PTPRM: variants seen among roughly 807,000 people sequenced by gnomAD.
The protein encoded by PTPRM is protein tyrosine phosphatase receptor type M, also known as receptor-type tyrosine-protein phosphatase mu.
A neutral mutation model predicts 186.7 loss-of-function variants in PTPRM; 47 were observed. That is an observed-to-expected ratio of 0.25 (90% CI 0.20 to 0.32). The LOEUF (loss-of-function observed/expected upper bound fraction) is 0.32, where lower values mean the gene tolerates loss of function less well. PTPRM is among the 10% of genes least tolerant of loss of function. PTPRM has a pLI of 1.00. For missense variants in PTPRM, 1,494 were observed against 1,865.0 expected, an observed-to-expected ratio of 0.80 and a Z score of 3.66; for synonymous variants, 668 against 674.9, an observed-to-expected ratio of 0.99 and a Z score of 0.16.
chr18:7,677,742 T>C (rs1212861312), intron 1 of PTPRM, among the ~76,000 whole-genome samples: 1 of 152,100 alleles, frequency 6.6e-6, no homozygotes, highest in African/African-American at 2.4e-5. Flanking sequence ...CTGCCTGAAA[T>C]GCTCTGTGCC....
At chr18:8,402,694 A>G (rs1363215531) in intron 32 of PTPRM, among the ~76,000 whole-genome samples, 2 of 152,172 alleles carry the variant, frequency 1.3e-5, no homozygotes, top group African/African-American at 4.8e-5. Context: ...TGGTGATCTG[A>G]CAACGTGGCC....
intron 2 of PTPRM, among the ~76,000 whole-genome samples, chr18:7,810,379 CATT>C (rs1490602433): frequency 1.9e-4 from 29 of 152,322 alleles, no homozygotes; most frequent in Admixed American, 1.8e-3. Flanking sequence ...TTATGTTGCT[CATT>C]ATGAATAGCC....
chr18:7,764,645 G>A (rs2041936753), intron 1 of PTPRM, among the ~76,000 whole-genome samples: 1 of 152,196 alleles, frequency 6.6e-6, no homozygotes, highest in African/African-American at 2.4e-5. Context: ...GACTCAGTAG[G>A]TCTGGGATGA....
At chr18:8,380,249 T>TGGAAATAA in intron 28 of PTPRM, 47 bp from the exon 29 acceptor site, 1 of 1,588,638 alleles carries the variant, frequency 6.3e-7, no homozygotes, top group Non-Finnish European at 8.6e-7. Context: ...CTTCTTCTCT[T>TGGAAATAA]CCCATTTTCC....
intron 1 of PTPRM, among the ~76,000 whole-genome samples, chr18:7,700,181 A>G (rs575665651): frequency 6.6e-6 from 1 of 152,320 alleles, no homozygotes; most frequent in South Asian, 2.1e-4. Context: ...TTTTATAGAG[A>G]TAAATATGTA....
intron 1 of PTPRM, among the ~76,000 whole-genome samples, chr18:7,724,518 G>T (rs1417004788): frequency 1.3e-5 from 2 of 152,152 alleles, no homozygotes; most frequent in African/African-American, 4.8e-5. Context: ...CTGGTACCCG[G>T]CATTATCCCT....
chr18:7,567,916 C>T lies in PTPRM; in HGVS notation c.73+25C>T, dbSNP rs1376442998. The T allele has an allele frequency of 3.9e-6, 6 of 1,535,824 alleles. No individual in the cohort carries two copies. Among genetic ancestry groups the T allele is most frequent in the Non-Finnish European group, 5.2e-6 (6 of 1,150,686 alleles). ...GGTAAGCGGGACCGCCTCTGCCGCC[C>T]CCGAGGCGCGCGGGCCGGCGCGGGA... On this transcript the variant is annotated intron_variant, in intron 1 of 32. Transcript: ENST00000580170. This position sits in a 1 kb window ranked among gnomAD's most constrained non-coding sequence, Gnocchi z 4.3.
chr18:7,613,168 C>T (rs1255637889), intron 1 of PTPRM, among the ~76,000 whole-genome samples: 1 of 152,138 alleles, frequency 6.6e-6, no homozygotes, highest in Non-Finnish European at 1.5e-5. Flanking sequence ...ACTTGGGTAC[C>T]TATGGTAATT....
chr18:8,305,542 C>T (rs999136649), intron 20 of PTPRM, among the ~76,000 whole-genome samples: 2 of 152,166 alleles, frequency 1.3e-5, no homozygotes, highest in Non-Finnish European at 2.9e-5. Context: ...AATAACTTCT[C>T]CAAGGCCACA....
intron 1 of PTPRM, among the ~76,000 whole-genome samples, chr18:7,619,867 G>A (rs553963409): frequency 2.0e-5 from 3 of 152,264 alleles, no homozygotes; most frequent in East Asian, 1.9e-4. Context: ...AGCAGAAGCA[G>A]GAAAGCTCGT....
intron 11 of PTPRM, among the ~76,000 whole-genome samples, chr18:8,112,251 C>T (rs867231575): frequency 5.9e-5 from 9 of 152,282 alleles, no homozygotes; most frequent in Middle Eastern, 3.4e-3. Flanking sequence ...GAATTACCAA[C>T]GAAATGGCAG....
intron 5 of PTPRM, among the ~76,000 whole-genome samples, chr18:7,937,598 A>T (rs866751178): frequency 5.9e-5 from 9 of 152,240 alleles, no homozygotes; most frequent in Middle Eastern, 3.2e-3. Context: ...ACTCAGGTAA[A>T]GGTGCCACTG....
At chr18:7,932,941 C>A (rs1273462786) in intron 5 of PTPRM, among the ~76,000 whole-genome samples, 1 of 152,110 alleles carries the variant, frequency 6.6e-6, no homozygotes. Context: ...CCGAAAATGT[C>A]AAATGGAAAA....
intron 18 of PTPRM, 88 bp downstream of exon 18, chr18:8,252,587 G>T: frequency 8.2e-7 from 1 of 1,226,440 alleles, no homozygotes; most frequent in Non-Finnish European, 1.2e-6. Flanking sequence ...GCCAGCTGGT[G>T]CTGCTCTGTG....
At chr18:8,235,476 T>TTTTTTTTTTTTTTTTTTTTTTTTG (rs1481569126) in intron 14 of PTPRM, among the ~76,000 whole-genome samples, 4 of 136,770 alleles carry the variant, frequency 2.9e-5, no homozygotes, top group African/African-American at 8.0e-5. Context: ...TTTTTTTTTT[T>TTTTTTTTTTTTTTTTTTTTTTTTG]TTTAGCCTGG....
chr18:7,982,730 G>C (rs928936912), intron 7 of PTPRM, among the ~76,000 whole-genome samples: 1 of 152,054 alleles, frequency 6.6e-6, no homozygotes, highest in African/African-American at 2.4e-5. Context: ...GTAGTGTGTT[G>C]TGCTATGACG....
intron 19 of PTPRM, among the ~76,000 whole-genome samples, chr18:8,283,811 T>TG (rs1277750790): frequency 6.6e-6 from 1 of 151,094 alleles, no homozygotes; most frequent in East Asian, 1.9e-4. Context: ...TTAGTCGAGG[T>TG]GGGGTCTCGC....
At chr18:8,098,055 A>G (rs1423044640) in intron 11 of PTPRM, among the ~76,000 whole-genome samples, 1 of 152,178 alleles carries the variant, frequency 6.6e-6, no homozygotes, top group Non-Finnish European at 1.5e-5. Flanking sequence ...CATACCATAT[A>G]GCTCTGTAGC....
At chr18:7,782,788 A>G (rs1274687739) in intron 2 of PTPRM, among the ~76,000 whole-genome samples, 5 of 152,202 alleles carry the variant, frequency 3.3e-5, no homozygotes, top group African/African-American at 4.8e-5. Flanking sequence ...GTCATTCTTT[A>G]AAAAATATTT....
Sources: gnomAD v4.1 joint callset for allele counts (sites outside exome capture counted in the v4.1 genomes callset) on GRCh38, gnomAD v4.1.1 for gene constraint, Gnocchi (gnomAD v3.1) non-coding constraint, MANE v1.5 for transcripts, NCBI Gene and HGNC (gene_info 2026-07-23, HGNC 2026-07-21) for gene names.